Variants in NYAP2 observed in about 807,000 individuals in gnomAD.
The protein encoded by NYAP2 is neuronal tyrosine-phosphorylated phosphoinositide-3-kinase adapter 2.
NYAP2 carries 23 observed loss-of-function variants against 50.4 expected under a neutral mutation model. The ratio of observed to expected loss-of-function variants is 0.46; its 90% CI spans 0.33 to 0.65. The LOEUF (loss-of-function observed/expected upper bound fraction) is 0.65. Among genes scored for constraint, NYAP2 ranks in the 30% least tolerant of loss-of-function variants. The probability of loss-of-function intolerance (pLI) is 0.02; values close to 1 mark genes in which losing one functional copy is unlikely to be tolerated. For synonymous variants in NYAP2, 394 were observed against 365.2 expected (o/e 1.08, Z -0.90); for missense variants, 885 against 861.0 (o/e 1.03, Z -0.35).
intron 6 of NYAP2, among the ~76,000 whole-genome samples, chr2:225,640,712 G>A (rs1368537150): frequency 6.6e-6 from 1 of 152,094 alleles, no homozygotes; most frequent in South Asian, 2.1e-4. Context: ...GCTACTTACG[G>A]GTTTTAAACA....
intron 6 of NYAP2, among the ~76,000 whole-genome samples, chr2:225,642,664 G>C (rs750702752): frequency 6.6e-6 from 1 of 152,138 alleles, no homozygotes; most frequent in Admixed American, 6.6e-5. Flanking sequence ...TAGAATAATC[G>C]ATTGGACAGA....
chr2:225,553,901 G>T (rs1320587625), intron 4 of NYAP2, among the ~76,000 whole-genome samples: 2 of 151,978 alleles, frequency 1.3e-5, no homozygotes, highest in African/African-American at 4.8e-5. Flanking sequence ...GCTTGGCATG[G>T]TATTGCTACT....
At chr2:225,556,093 C>T (rs1353163294) in intron 4 of NYAP2, among the ~76,000 whole-genome samples, 1 of 152,066 alleles carries the variant, frequency 6.6e-6, no homozygotes, top group African/African-American at 2.4e-5. Context: ...GCCAATGGAG[C>T]CTCATCAGCT....
intron 3 of NYAP2, among the ~76,000 whole-genome samples, chr2:225,487,401 C>T (rs1232026806): frequency 6.6e-6 from 1 of 151,958 alleles, no homozygotes; most frequent in African/African-American, 2.4e-5. Flanking sequence ...GCTCTGTCAC[C>T]CAGGCTGGAG....
the NYAP2 span, chr2:225,702,144 C>T: frequency 3.3e-5 from 5 of 151,510 alleles, no homozygotes; most frequent in African/African-American, 4.8e-5. Context: ...TTCACACTTG[C>T]AAAGAAATAG....
chr2:225,553,769 G>A (rs920908354), intron 4 of NYAP2, among the ~76,000 whole-genome samples: 1 of 152,158 alleles, frequency 6.6e-6, no homozygotes, highest in African/African-American at 2.4e-5. Context: ...TGGGTGCATG[G>A]CTCACACCTG....
chr2:225,587,885 G>T (rs1692415627), intron 5 of NYAP2, among the ~76,000 whole-genome samples: 1 of 150,938 alleles, frequency 6.6e-6, no homozygotes, highest in South Asian at 2.1e-4. Context: ...AGATTCGTAA[G>T]TTTTTCCTAT....
chr2:225,692,583 T>A, the NYAP2 span, among the ~76,000 whole-genome samples: 1 of 151,406 alleles, frequency 6.6e-6, no homozygotes, highest in Non-Finnish European at 1.5e-5. Context: ...ATGTATTTTT[T>A]ATATATATAT....
Position 225,489,899 on chromosome 2 carries a change from T to C in NYAP2, c.222-23472T>C, listed in dbSNP as rs193243401. Among the ~76,000 whole-genome samples the C allele has an allele frequency of 7.9e-4, 120 of 152,256 alleles. 1 individual carries two copies. The highest frequency in any genetic ancestry group is 2.7e-3 in the African/African-American group (114 of 41,558). On this transcript the variant is annotated intron_variant, in intron 3 of 6. Coordinates refer to ENST00000636099, the Ensembl canonical transcript of NYAP2. ...GTTTTTTAAAGCTCCCCGGGGTGGATCCAATGTATAGCCAAGTTTGAGAAC... is the reference window on the plus strand; with the variant it reads ...GTTTTTTAAAGCTCCCCGGGGTGGACCCAATGTATAGCCAAGTTTGAGAAC...
chr2:225,622,506 CT>C (rs763846116), intron 5 of NYAP2, among the ~76,000 whole-genome samples: 4 of 18,832 alleles, frequency 2.1e-4, no homozygotes, highest in African/African-American at 2.9e-4. Flanking sequence ...TATTTCTTTT[CT>C]TTCTTTCTTT....
At chr2:225,537,274 C>T (rs994780786) in intron 4 of NYAP2, among the ~76,000 whole-genome samples, 53 of 152,074 alleles carry the variant, frequency 3.5e-4, no homozygotes, top group African/African-American at 1.2e-3. Flanking sequence ...TAATTATTTC[C>T]AACTCCATCT....
At chr2:225,652,256 G>C (rs200687673) in exon 7 of NYAP2, 1 of 152,070 alleles carries the variant, frequency 6.6e-6, no homozygotes, top group Non-Finnish European at 1.5e-5. Flanking sequence ...AAAAACTGCA[G>C]ATTAATAAGG....
intron 4 of NYAP2, among the ~76,000 whole-genome samples, chr2:225,532,747 GA>G (rs1691279295): frequency 6.6e-6 from 1 of 152,106 alleles, no homozygotes; most frequent in Non-Finnish European, 1.5e-5. Flanking sequence ...ACAAGCAGGG[GA>G]AAAGAACATG....
chr2:225,566,266 A>G (rs777557343), intron 4 of NYAP2, among the ~76,000 whole-genome samples: 6 of 152,184 alleles, frequency 3.9e-5, no homozygotes, highest in African/African-American at 1.2e-4. Context: ...CACAACTTCA[A>G]TGAAGTTGGA....
chr2:225,638,156 T>TTTTGTGTG (rs1553559463), intron 6 of NYAP2, among the ~76,000 whole-genome samples: 1 of 135,222 alleles, frequency 7.4e-6, no homozygotes, highest in African/African-American at 2.8e-5. Flanking sequence ...ACTCGTGTGT[T>TTTTGTGTG]TGTGTGTGTG....
the NYAP2 span, chr2:225,699,998 A>C: frequency 6.6e-6 from 1 of 151,804 alleles, no homozygotes; most frequent in South Asian, 2.1e-4. Context: ...TTCTGAGAGA[A>C]AAGATGTGTT....
intron 4 of NYAP2, among the ~76,000 whole-genome samples, chr2:225,536,988 C>T (rs1691363212): frequency 6.6e-6 from 1 of 152,074 alleles, no homozygotes; most frequent in Non-Finnish European, 1.5e-5. Context: ...CCATGTTAGC[C>T]AGGATGGTCT....
intron 4 of NYAP2, among the ~76,000 whole-genome samples, chr2:225,557,537 A>G (rs1490235090): frequency 4.6e-5 from 7 of 152,286 alleles, no homozygotes; most frequent in African/African-American, 1.4e-4. Context: ...ATAATTTCAG[A>G]TATTACTATA....
intron 3 of NYAP2, among the ~76,000 whole-genome samples, chr2:225,427,460 G>A (rs1362500668): frequency 6.6e-6 from 1 of 152,140 alleles, no homozygotes; most frequent in African/African-American, 2.4e-5. Context: ...CAGTATTGCT[G>A]GACGGGTCAC....
Sources: gnomAD v4.1 joint callset for allele counts (sites outside exome capture counted in the v4.1 genomes callset) on GRCh38, gnomAD v4.1.1 for gene constraint, MANE v1.5 for transcripts, NCBI Gene and HGNC (gene_info 2026-07-23, HGNC 2026-07-21) for gene names.